Variants in CSMD2 observed in about 807,000 individuals in gnomAD.
The protein encoded by CSMD2 is CUB and sushi domain-containing protein 2.
A neutral mutation model predicts 398.5 loss-of-function variants in CSMD2; 130 were observed. The ratio of observed to expected loss-of-function variants is 0.33; its 90% confidence interval spans 0.28 to 0.38. The LOEUF is 0.38. Among genes scored for constraint, CSMD2 ranks in the 10% least tolerant of loss-of-function variants. The probability of loss-of-function intolerance (pLI) is 1.00; values close to 1 mark genes in which losing one functional copy is unlikely to be tolerated. For synonymous variants in CSMD2, 1,828 were observed against 1,908.5 expected, an observed-to-expected ratio of 0.96 and a Z score of 1.10; for missense variants, 3,829 against 4,764.9, an observed-to-expected ratio of 0.80 and a Z score of 5.78.
chr1:33,673,391 CGAGAA>C (rs1644585128), intron 25 of CSMD2, among the ~76,000 whole-genome samples: 1 of 151,872 alleles, frequency 6.6e-6, no homozygotes, highest in Non-Finnish European at 1.5e-5. Context: ...TGAAATGAAG[CGAGAA>C]GAGAAGTTTA....
chr1:33,919,065 C>T (rs535831298), intron 4 of CSMD2, among the ~76,000 whole-genome samples: 54 of 152,280 alleles, frequency 3.5e-4, no homozygotes, highest in African/African-American at 1.3e-3. Context: ...GTCAGGGAAG[C>T]GCATGGGATG....
Position 33,533,760 on chromosome 1 carries a change from G to T in CSMD2, c.9991+36C>A. On this transcript the variant is annotated intron_variant, in intron 63 of 70. Transcript: ENST00000373381. The surrounding 1 kb of genome is among the most constrained non-coding windows in gnomAD (Gnocchi z 4.2). ...CCCAGATGCCCAGCTGGGGCAAGAG[G>T]AATTTTCTTGGGATGTGGGTGAAGT... 1 of 1,407,434 alleles carries T rather than the reference G, an allele frequency of 7.1e-7. No individual in the cohort carries two copies. The highest frequency in any genetic ancestry group is 1.0e-6 in the Non-Finnish European group (1 of 992,440). The allele number at this position is 1,407,434 out of a possible 1,614,324, so 87.2% of individuals were successfully genotyped here. A position where few individuals can be genotyped will look rare whatever the true frequency, so the allele number is the denominator to read the frequency against.
intron 1 of CSMD2, among the ~76,000 whole-genome samples, chr1:34,150,364 C>T (rs34737458): frequency 0.36 from 54,760 of 151,978 alleles, 10,873 homozygotes; most frequent in Non-Finnish European, 0.44. Flanking sequence ...GGATTACAGA[C>T]GTGAGCCACT....
At chr1:34,162,482 G>A (rs549789059) in intron 1 of CSMD2, among the ~76,000 whole-genome samples, 1 of 152,218 alleles carries the variant, frequency 6.6e-6, no homozygotes, top group South Asian at 2.1e-4. Flanking sequence ...AAATCCTGCC[G>A]ATCTTCTGTC....
rs191985994 is a variant in CSMD2, at chr1:33,967,518, C to T, written c.518-31564G>A. Among the ~76,000 whole-genome samples the T allele has an allele frequency of 1.8e-3, 277 of 152,266 alleles. 1 individual carries two copies. The highest frequency in any genetic ancestry group is 6.5e-3 in the African/African-American group (270 of 41,546). On this transcript the variant is annotated intron_variant, in intron 3 of 70. Coordinates refer to ENST00000373381, the MANE Select transcript of CSMD2 (RefSeq NM_001281956.2). ...GTATCTCTATTGATTTCTTTATCTC[C>T]GTAGTGATCCACGTCCCCCTCTGCA...
At chr1:33,953,635 A>G (rs1446990841) in intron 3 of CSMD2, among the ~76,000 whole-genome samples, 1 of 152,136 alleles carries the variant, frequency 6.6e-6, no homozygotes, top group Non-Finnish European at 1.5e-5. Context: ...GATAAAACAC[A>G]TGGACCCTCC....
In CSMD2 at chr1:33,772,615, T is replaced by C. The variant is rs1651437068; in HGVS notation, c.1800A>G (p.Thr600=). 1.2e-6 allele frequency: 2 copies of C among 1,614,004 alleles called. No homozygotes were observed. The highest frequency in any genetic ancestry group is 1.7e-5 in the Admixed American group (1 of 60,008). Residue 600 remains threonine, a synonymous_variant, in exon 13 of 71, where the codon ACA becomes ACG. Coordinates refer to ENST00000373381, the MANE Select transcript of CSMD2 (RefSeq NM_001281956.2). Reference sequence around the variant, plus strand: ...CCGACCATTGGTTATTCTTTTGGCATGTGATTGCCTTCTGTCCCACCAGCT... The same window carrying C: ...CCGACCATTGGTTATTCTTTTGGCACGTGATTGCCTTCTGTCCCACCAGCT... ...AFELVGQKAI[T]CQKNNQWSAK...
intron 44 of CSMD2, among the ~76,000 whole-genome samples, chr1:33,595,306 C>T (rs1035160058): frequency 6.6e-6 from 1 of 152,166 alleles, no homozygotes; most frequent in Non-Finnish European, 1.5e-5. Context: ...GTGTTTCCTC[C>T]TGATTATGTT....
intron 32 of CSMD2, among the ~76,000 whole-genome samples, chr1:33,632,059 G>A (rs1057222710): frequency 6.6e-6 from 1 of 152,046 alleles, no homozygotes; most frequent in African/African-American, 2.4e-5. Flanking sequence ...TTTAGTATAT[G>A]TAAATTTGGC....
At chr1:33,696,819 C>A (rs527889150) in intron 24 of CSMD2, among the ~76,000 whole-genome samples, 1 of 152,226 alleles carries the variant, frequency 6.6e-6, no homozygotes, top group South Asian at 2.1e-4. Flanking sequence ...TCTTTCTGGT[C>A]TTCTCCCTTC....
intron 44 of CSMD2, among the ~76,000 whole-genome samples, chr1:33,591,551 G>C (rs1639457641): frequency 6.6e-6 from 1 of 152,056 alleles, no homozygotes. Flanking sequence ...AAAATCACCT[G>C]CTTTTTTTGC....
At chr1:33,921,408 C>A (rs749050652) in intron 4 of CSMD2, among the ~76,000 whole-genome samples, 20 of 152,236 alleles carry the variant, frequency 1.3e-4, no homozygotes, top group Non-Finnish European at 2.4e-4. Context: ...GCCACAGGAG[C>A]CAGCCAACAA....
intron 3 of CSMD2, among the ~76,000 whole-genome samples, chr1:33,956,938 GTC>G (rs1473245163): frequency 6.6e-6 from 1 of 151,958 alleles, no homozygotes; most frequent in East Asian, 1.9e-4. Context: ...TCCGTGGCCA[GTC>G]TCTGCTGGTG....
At chr1:33,702,844 C>T (rs1348522492) in intron 22 of CSMD2, among the ~76,000 whole-genome samples, 2 of 152,104 alleles carry the variant, frequency 1.3e-5, no homozygotes, top group Non-Finnish European at 2.9e-5. Flanking sequence ...GAATTCATGT[C>T]GTTAAATCTA....
chr1:34,139,771 T>C (rs1639098544), intron 1 of CSMD2, among the ~76,000 whole-genome samples: 1 of 152,212 alleles, frequency 6.6e-6, no homozygotes, highest in Non-Finnish European at 1.5e-5. Flanking sequence ...ACAGAGTACT[T>C]AGCACAGCGG....
chr1:33,654,468 A>G (rs1643890748), intron 27 of CSMD2, among the ~76,000 whole-genome samples: 1 of 152,142 alleles, frequency 6.6e-6, no homozygotes. Context: ...GCTGGCCAGC[A>G]GGGAGAGCAC....
At chr1:33,778,906 C>T (rs1448070892) in intron 12 of CSMD2, among the ~76,000 whole-genome samples, 1 of 152,122 alleles carries the variant, frequency 6.6e-6, no homozygotes, top group Non-Finnish European at 1.5e-5. Context: ...CCTCAGCTCT[C>T]CTTAGTCTCC....
At chr1:33,614,133 C>T (rs1434573218) in intron 40 of CSMD2, among the ~76,000 whole-genome samples, 4 of 150,736 alleles carry the variant, frequency 2.7e-5, no homozygotes, top group South Asian at 2.1e-4. Flanking sequence ...GACAGATTTC[C>T]GCCCCACCCC....
intron 70 of CSMD2, among the ~76,000 whole-genome samples, chr1:33,516,775 T>C (rs913041914): frequency 5.3e-5 from 8 of 152,302 alleles, no homozygotes; most frequent in African/African-American, 1.7e-4. Context: ...CAGCAGAACA[T>C]GTATTTTTCT....
Sources: allele counts gnomAD v4.1 joint callset (sites outside exome capture counted in the v4.1 genomes callset), GRCh38; gene constraint gnomAD v4.1.1; non-coding constraint Gnocchi (gnomAD v3.1); transcripts MANE v1.5; gene names NCBI Gene and HGNC (gene_info 2026-07-23, HGNC 2026-07-21).